The following UVSSA variants were observed in gnomAD, a reference collection of about 807,000 sequenced individuals.
The protein encoded by UVSSA is UV-stimulated scaffold protein A.
In UVSSA, 72 loss-of-function variants were observed where a neutral mutation model predicts 73.9. The ratio of observed to expected loss-of-function variants is 0.97; its 90% CI spans 0.81 to 1.19. UVSSA has a LOEUF of 1.19. UVSSA is among the 50% of genes most tolerant of loss of function. The probability of loss-of-function intolerance (pLI) is 0.00; values close to 1 mark genes in which losing one functional copy is unlikely to be tolerated. For missense variants in UVSSA, 1,150 were observed against 965.0 expected (o/e 1.19, Z -2.54); for synonymous variants, 454 against 391.3 (o/e 1.16, Z -1.89).
chr4:1,355,209 G>A lies in UVSSA; in HGVS notation c.1140G>A (p.Glu380=). The A allele has an allele frequency of 2.5e-6, 4 of 1,613,268 alleles. No individual in the cohort carries two copies. Among genetic ancestry groups the A allele is most frequent in the Non-Finnish European group, 3.4e-6 (4 of 1,179,730 alleles). The change falls in exon 7 of 14, where the codon GAG becomes GAA. Residue 380 remains glutamate (E), a synonymous_variant. Transcript: ENST00000389851. The part of the protein sequence containing the change: ...ELELVLRKYK[E]LDIEPEGGER... ...AGCTCGTACTGAGAAAATACAAGGA[G>A]CTGGACATCGAGCCTGAGGGAGGGG...
At chr4:1,366,801 C>T (rs891961531) in intron 8 of UVSSA, among the ~76,000 whole-genome samples, 14 of 152,118 alleles carry the variant, frequency 9.2e-5, no homozygotes, top group Admixed American at 2.0e-4. Context: ...TGGAGGACAC[C>T]GGCCTGCACA....
chr4:1,385,634 G>T (rs993388284), intron 13 of UVSSA: 1 of 563,240 alleles, frequency 1.8e-6, no homozygotes, highest in South Asian at 2.1e-5. Flanking sequence ...ACCACCCGCC[G>T]CAGACTCCGC....
chr4:1,389,899 T>C (rs558579776), downstream of UVSSA: 8 of 152,372 alleles, frequency 5.3e-5, no homozygotes, highest in East Asian at 1.5e-3. Flanking sequence ...TAAAGATTTA[T>C]CAATTTTGTT....
Position 1,380,231 on chromosome 4 carries a change from G to C in UVSSA, c.1752+1G>C. 6.2e-7 allele frequency: 1 copy of C among 1,609,676 alleles called. No homozygotes were observed. The highest frequency in any genetic ancestry group is 2.2e-5 in the East Asian group (1 of 44,794). ...CTGTGAGCGCCAAGACCGGCTGAAGGTGAGGCCGTGGCCCGAGGGCGGGGG... is the reference window on the plus strand; with the variant it reads ...CTGTGAGCGCCAAGACCGGCTGAAGCTGAGGCCGTGGCCCGAGGGCGGGGG... On this transcript the variant is annotated splice_donor_variant, in intron 11 of 13. Coordinates refer to ENST00000389851, the MANE Select transcript of UVSSA (RefSeq NM_020894.4). LOFTEE classifies it high-confidence loss of function.
At position 1,385,856 on chromosome 4, in the gene UVSSA, G is replaced by A. The variant is rs1419393599; in HGVS notation, c.2037-12G>A. 1 of 1,613,878 alleles carries A rather than the reference G, an allele frequency of 6.2e-7. No homozygotes were observed. On this transcript the variant is annotated splice_polypyrimidine_tract_variant and intron_variant, in intron 13 of 13. Coordinates refer to ENST00000389851, the MANE Select transcript of UVSSA (RefSeq NM_020894.4). ...AGCCTCCCAGGTCACATCTTGCCTT[G>A]TTTCCCCACAGGGCAGCTGTGCGGA...
intron 13 of UVSSA, chr4:1,384,943 C>T (rs1719918329): frequency 6.6e-6 from 1 of 152,392 alleles, no homozygotes; most frequent in African/African-American, 2.4e-5. Flanking sequence ...GAGAGGCTGC[C>T]TGGGGCCCCT....
chr4:1,392,013 C>T (rs1720424477), downstream of UVSSA: 1 of 152,138 alleles, frequency 6.6e-6, no homozygotes, highest in Non-Finnish European at 1.5e-5. Flanking sequence ...TCCTTTATTT[C>T]TCCATTACTT....
chr4:1,345,361 T>C (rs898773971), upstream of UVSSA, among the ~76,000 whole-genome samples: 1 of 147,376 alleles, frequency 6.8e-6, no homozygotes, highest in African/African-American at 2.7e-5. Context: ...CCAGGCACGG[T>C]GGCCCAGGCA....
chr4:1,364,695 A>T (rs895698396), intron 7 of UVSSA, among the ~76,000 whole-genome samples: 1 of 151,986 alleles, frequency 6.6e-6, no homozygotes, highest in African/African-American at 2.4e-5. Flanking sequence ...GTGCTGTGGG[A>T]ACAGGAATGC....
intron 7 of UVSSA, among the ~76,000 whole-genome samples, chr4:1,361,263 C>G (rs899275229): frequency 6.6e-6 from 1 of 152,212 alleles, no homozygotes; most frequent in Non-Finnish European, 1.5e-5. Flanking sequence ...GGAAGCGGCC[C>G]GAGGCCCACC....
chr4:1,368,373 A>T (rs1017338303), intron 8 of UVSSA, among the ~76,000 whole-genome samples: 1 of 152,266 alleles, frequency 6.6e-6, no homozygotes, highest in Non-Finnish European at 1.5e-5. Context: ...GCTCTAAATT[A>T]TCTGAAGCAA....
intron 10 of UVSSA, among the ~76,000 whole-genome samples, 160 bp from the exon 11 acceptor site, chr4:1,379,887 G>C (rs1719254368): frequency 1.5e-5 from 1 of 64,840 alleles, no homozygotes; most frequent in African/African-American, 1.1e-4. Context: ...TCAGAATTCA[G>C]ACCCAGCCGG....
upstream of UVSSA, among the ~76,000 whole-genome samples, chr4:1,346,883 C>T (rs936641863): frequency 1.3e-5 from 2 of 152,204 alleles, no homozygotes; most frequent in Non-Finnish European, 2.9e-5. Context: ...TTTTCTCGTG[C>T]GTCCCCCTCC....
rs900885307 is a variant in UVSSA at position 1,347,272 on chromosome 4, G to C, written c.-491G>C. On this transcript the variant is annotated 5_prime_UTR_variant, in exon 1 of 14. Transcript: ENST00000389851. ...TACGCTGCCGGGCGGGGGTCGCGCC[G>C]GTTCGGTCCCCGGGGCTCTGCGGGC... 1.4e-5 allele frequency: 2 copies of C among 147,652 alleles called. No individual in the cohort carries two copies. The highest frequency in any genetic ancestry group is 6.7e-5 in the Admixed American group (1 of 14,844). 9.1% of individuals were successfully genotyped at this position (147,652 alleles called of 1,614,324 possible). A position where few individuals can be genotyped will look rare whatever the true frequency, so the allele number is the denominator to read the frequency against.
At chr4:1,375,894 C>T in intron 9 of UVSSA, 140 bp from the exon 10 acceptor site, 1 of 1,346,840 alleles carries the variant, frequency 7.4e-7, no homozygotes, top group African/African-American at 1.5e-5. Flanking sequence ...GCCCTGAGGC[C>T]CAGGCGTCGT....
At chr4:1,354,196 G>A (rs1015522897) in intron 5 of UVSSA, among the ~76,000 whole-genome samples, 4 of 152,242 alleles carry the variant, frequency 2.6e-5, no homozygotes, top group South Asian at 4.1e-4. Context: ...AGGCCTGTGC[G>A]GGGTGGACAC....
At position 1,351,786 on chromosome 4, in the gene UVSSA, G is replaced by C. The variant is rs1448000706; in HGVS notation, c.501G>C (p.Leu167Phe). 6.2e-7 allele frequency: 1 copy of C among 1,613,720 alleles called. No homozygotes were observed. The highest frequency in any genetic ancestry group is 1.1e-5 in the South Asian group (1 of 91,084). ...GAGAAGAGGAGAAGCAGAAGCACTT[G>C]GATAAAATTTATCAAGAAAGAGCCA... ...RKREEEKQKH[L>F]DKIYQERASQ... Residue 167 changes from leucine to phenylalanine, a missense_variant, in exon 4 of 14, where the codon TTG becomes TTC. By Grantham distance (22) the Leu-to-Phe change is conservative. Transcript: ENST00000389851.
chr4:1,384,096 G>T (rs910472034), intron 13 of UVSSA, 156 bp downstream of exon 13: 3 of 948,208 alleles, frequency 3.2e-6, no homozygotes, highest in Non-Finnish European at 4.6e-6. Flanking sequence ...GCCTTTCCCC[G>T]GGGAGGGGCA....
intron 12 of UVSSA, among the ~76,000 whole-genome samples, chr4:1,382,623 C>T (rs1054858039): frequency 2.0e-5 from 3 of 152,224 alleles, no homozygotes; most frequent in Admixed American, 6.5e-5. Flanking sequence ...TCACCGGGTT[C>T]CTAAACTGTG....
Sources: gnomAD v4.1 joint callset for allele counts (sites outside exome capture counted in the v4.1 genomes callset) on GRCh38, gnomAD v4.1.1 for gene constraint, MANE v1.5 for transcripts, NCBI Gene and HGNC (gene_info 2026-07-23, HGNC 2026-07-21) for gene names.